DOCK10: variants seen among roughly 807,000 people sequenced by gnomAD.
DOCK10 encodes dedicator of cytokinesis protein 10.
DOCK10 carries 145 observed loss-of-function variants against 280.1 expected under a neutral mutation model. That is an observed-to-expected ratio of 0.52 (90% CI 0.45 to 0.59). The LOEUF is 0.59. DOCK10 is among the 20% of genes least tolerant of loss of function. The pLI, the probability that DOCK10 is intolerant of heterozygous loss-of-function variation, is 0.00. For synonymous variants in DOCK10, 915 were observed against 942.2 expected (o/e 0.97, Z 0.53); for missense variants, 2,368 against 2,651.7 (o/e 0.89, Z 2.35).
In DOCK10 at chr2:224,765,594, T is replaced by C; in HGVS notation, c.*127A>G. 1 of 629,598 alleles carries C rather than the reference T, an allele frequency of 1.6e-6. No individual in the cohort carries two copies. The allele number at this position is 629,598 out of a possible 1,614,324, so 39.0% of individuals were successfully genotyped here. ...TCAGAGGTTGGCAAAATTCTGAAGC[T>C]AGCGAGGTAAACAAAAATATTAACA... is the stretch of plus-strand genomic sequence containing the variant. On this transcript the variant is annotated 3_prime_UTR_variant, in exon 56 of 56. Transcript: ENST00000258390.
chr2:225,025,918 T>G (rs1317831864), intron 1 of DOCK10, among the ~76,000 whole-genome samples: 1 of 151,998 alleles, frequency 6.6e-6, no homozygotes, highest in African/African-American at 2.4e-5. Flanking sequence ...CTGGAAGCAA[T>G]GAGATAATAA....
rs763609036 is a variant in DOCK10, at chr2:224,805,507, A to G, written c.3837T>C (p.Ser1279=). ...CTCTGGAGTCAGCATGGTTTACTGTAGAAATAGCTATTGATGAAAATGCTG... is the reference window on the plus strand; with the variant it reads ...CTCTGGAGTCAGCATGGTTTACTGTGGAAATAGCTATTGATGAAAATGCTG... ...SIAAFSSIAI[S]TVNHADSRAS... The change falls in exon 35 of 56, where the codon TCT becomes TCC. Residue 1279 remains serine, a synonymous_variant. Transcript: ENST00000258390. The surrounding 1 kb of genome is among the most constrained non-coding windows in gnomAD (Gnocchi z 4.3). 5 of 1,612,400 alleles carry G rather than the reference A, an allele frequency of 3.1e-6. No homozygotes were observed. The highest frequency in any genetic ancestry group is 4.2e-6 in the Non-Finnish European group (5 of 1,178,982).
At chr2:224,847,900 A>G (rs1466867449) in intron 19 of DOCK10, among the ~76,000 whole-genome samples, 1 of 152,232 alleles carries the variant, frequency 6.6e-6, no homozygotes, top group Non-Finnish European at 1.5e-5. Flanking sequence ...TTACCTGGTA[A>G]GTAGGACTTA....
intron 23 of DOCK10, among the ~76,000 whole-genome samples, chr2:224,840,657 C>A (rs1227915832): frequency 6.6e-6 from 1 of 152,044 alleles, no homozygotes; most frequent in Non-Finnish European, 1.5e-5. Context: ...TTGCACATTG[C>A]TGGTAAGAAT....
chr2:224,900,711 C>T (rs16866310), intron 3 of DOCK10, among the ~76,000 whole-genome samples: 1,747 of 152,314 alleles, frequency 0.011, 43 homozygotes, highest in African/African-American at 0.04. Context: ...ATACCACCTT[C>T]GCTAGGATCA....
intron 1 of DOCK10, among the ~76,000 whole-genome samples, chr2:225,034,293 T>C (rs751430057): frequency 2.6e-5 from 4 of 152,214 alleles, no homozygotes; most frequent in Non-Finnish European, 4.4e-5. Context: ...TGAGGAGTCA[T>C]TTGATCTGAA....
intron 1 of DOCK10, among the ~76,000 whole-genome samples, chr2:224,968,330 G>A (rs1371851549): frequency 2.6e-5 from 4 of 152,230 alleles, no homozygotes; most frequent in African/African-American, 7.2e-5. Flanking sequence ...TAAAACCACA[G>A]GAAATATGAA....
chr2:225,006,362 G>A (rs1188026691), intron 1 of DOCK10, among the ~76,000 whole-genome samples: 1 of 152,196 alleles, frequency 6.6e-6, no homozygotes, highest in East Asian at 1.9e-4. Context: ...TGATCCAAAT[G>A]AGGAGGAACG....
chr2:224,937,037 T>G (rs1444927247), intron 1 of DOCK10, among the ~76,000 whole-genome samples: 3 of 152,122 alleles, frequency 2.0e-5, no homozygotes, highest in African/African-American at 7.2e-5. Flanking sequence ...TAATTACAGA[T>G]TATATATGTG....
Position 224,796,360 on chromosome 2 carries a change from G to A in DOCK10, c.4894C>T (p.Leu1632Phe), listed in dbSNP as rs1692574320. 1 of 1,574,512 alleles carries A rather than the reference G, an allele frequency of 6.4e-7. No homozygotes were observed. The highest frequency in any genetic ancestry group is 1.3e-5 in the African/African-American group (1 of 74,270). The change falls in exon 44 of 56, where the codon CTT becomes TTT. Residue 1632 changes from leucine to phenylalanine, a missense_variant. Around this residue, in one of 2 missense-constraint regions of DOCK10, gnomAD observed 1,159 missense variants for 1,400.8 expected, o/e 0.83. Coordinates refer to ENST00000258390, the MANE Select transcript of DOCK10 (RefSeq NM_014689.3). ...GIGGSRFQHS[L>F]AITNNFANGD... The stretch of plus-strand genomic sequence containing the variant: ...TTGGCGAAATTATTGGTAATTGCAA[G>A]CGAATGTTGAAACCGAGAGCCTCCA...
intron 11 of DOCK10, among the ~76,000 whole-genome samples, chr2:224,872,000 G>T (rs553175395): frequency 5.3e-5 from 8 of 152,170 alleles, no homozygotes; most frequent in African/African-American, 1.9e-4. Flanking sequence ...GACAAGTTTG[G>T]CTCACAGTAG....
chr2:224,921,106 A>ATATATATATATATATATAT (rs1553613917), intron 2 of DOCK10, among the ~76,000 whole-genome samples: 2 of 57,820 alleles, frequency 3.5e-5, no homozygotes, highest in African/African-American at 1.9e-4. Context: ...AAAAAAAAAA[A>ATATATATATATATATATAT]AAAAAAATAT....
chr2:224,925,150 G>GAGATT (rs1182820917), intron 2 of DOCK10, among the ~76,000 whole-genome samples: 1 of 151,500 alleles, frequency 6.6e-6, no homozygotes, highest in Non-Finnish European at 1.5e-5. Context: ...AAAAGAGGTT[G>GAGATT]AGATTCTTAT....
intron 2 of DOCK10, among the ~76,000 whole-genome samples, chr2:224,917,893 G>C (rs1701424727): frequency 6.6e-6 from 1 of 152,222 alleles, no homozygotes; most frequent in Non-Finnish European, 1.5e-5. Context: ...CTCAGGTGAT[G>C]AGTCTGTGAC....
chr2:224,863,972 A>G (rs1298433779), intron 13 of DOCK10, among the ~76,000 whole-genome samples: 1 of 152,124 alleles, frequency 6.6e-6, no homozygotes, highest in African/African-American at 2.4e-5. Flanking sequence ...TTTTACTCAG[A>G]ATATTCCTAA....
At chr2:224,897,458 T>C (rs1700051751) in intron 3 of DOCK10, among the ~76,000 whole-genome samples, 1 of 152,222 alleles carries the variant, frequency 6.6e-6, no homozygotes, top group African/African-American at 2.4e-5. Context: ...AAATTATTAT[T>C]GACTATAGCC....
chr2:225,025,902 CTCTG>C (rs1344579479), intron 1 of DOCK10, among the ~76,000 whole-genome samples: 1 of 151,990 alleles, frequency 6.6e-6, no homozygotes, highest in Non-Finnish European at 1.5e-5. Context: ...TTATAAAACT[CTCTG>C]TCTGGAAGCA....
At chr2:224,847,487 C>T (rs1416473874) in intron 19 of DOCK10, among the ~76,000 whole-genome samples, 2 of 152,154 alleles carry the variant, frequency 1.3e-5, no homozygotes, top group African/African-American at 4.8e-5. Context: ...TGAAAAAGCT[C>T]ATGGCTTTCA....
chr2:225,018,732 AAT>A (rs57352498), intron 1 of DOCK10, among the ~76,000 whole-genome samples: 1 of 38,028 alleles, frequency 2.6e-5, no homozygotes, highest in Non-Finnish European at 6.4e-5. Flanking sequence ...ATTTCATGTA[AAT>A]ATATATATAT....
Sources: allele counts gnomAD v4.1 joint callset (sites outside exome capture counted in the v4.1 genomes callset), GRCh38; gene constraint gnomAD v4.1.1; regional missense constraint gnomAD v4.1.1; non-coding constraint Gnocchi (gnomAD v3.1); transcripts MANE v1.5; gene names NCBI Gene and HGNC (gene_info 2026-07-23, HGNC 2026-07-21).